BRDT: variants seen among roughly 807,000 people sequenced by gnomAD.
BRDT encodes bromodomain testis-specific protein.
A neutral mutation model predicts 113.9 loss-of-function variants in BRDT; 77 were observed. The ratio of observed to expected loss-of-function variants is 0.68; its 90% confidence interval spans 0.56 to 0.82. BRDT has a LOEUF of 0.82. Ranked by LOEUF, BRDT falls within the 40% of genes least tolerant of loss-of-function variation. BRDT has a pLI of 0.00. For synonymous variants in BRDT, 358 were observed against 366.5 expected (o/e 0.98, Z 0.26); for missense variants, 1,027 against 1,105.4 (o/e 0.93, Z 1.01).
chr1:91,988,387 T>G (rs932808703), intron 12 of BRDT, among the ~76,000 whole-genome samples: 1 of 152,022 alleles, frequency 6.6e-6, no homozygotes, highest in Admixed American at 6.6e-5. Flanking sequence ...GTTATCGATT[T>G]TATTTTTATT....
chr1:91,953,727 C>G (rs924026759), intron 1 of BRDT, among the ~76,000 whole-genome samples: 1 of 152,076 alleles, frequency 6.6e-6, no homozygotes, highest in Non-Finnish European at 1.5e-5. Context: ...GGGCAAGAGA[C>G]GTGGTTTTCA....
chr1:91,960,242 A>G (rs187303835), intron 1 of BRDT, among the ~76,000 whole-genome samples: 11 of 152,264 alleles, frequency 7.2e-5, no homozygotes, highest in Admixed American at 6.5e-4. Flanking sequence ...ACACTTGTAA[A>G]CCCATGTTCA....
chr1:91,968,409 C>T, intron 4 of BRDT, 149 bp downstream of exon 4: 4 of 1,206,548 alleles, frequency 3.3e-6, no homozygotes, highest in Middle Eastern at 2.0e-4. Flanking sequence ...AAACAATCTG[C>T]CAAACCTTGA....
chr1:92,012,744 C>T (rs1357909770), intron 18 of BRDT, among the ~76,000 whole-genome samples: 3 of 150,162 alleles, frequency 2.0e-5, no homozygotes, highest in Non-Finnish European at 4.4e-5. Context: ...AACCCCATCT[C>T]TACTAAAACT....
intron 16 of BRDT, among the ~76,000 whole-genome samples, chr1:92,003,251 A>T (rs1459009009): frequency 1.3e-5 from 2 of 152,220 alleles, no homozygotes; most frequent in Non-Finnish European, 2.9e-5. Flanking sequence ...CTATAAATAT[A>T]TCTAGTCATA....
At position 91,968,263 on chromosome 1, in the gene BRDT, A is replaced by G; in HGVS notation, c.445+3A>G. The G allele has an allele frequency of 6.2e-7, 1 of 1,613,900 alleles. No homozygotes were observed. The highest frequency in any genetic ancestry group is 8.5e-7 in the Non-Finnish European group (1 of 1,179,876). On this transcript the variant is annotated splice_donor_region_variant and intron_variant, in intron 4 of 18. Transcript: ENST00000399546. ...TGTTAAGGAAAGAATCAAGAAAGGTAAGGCAGGAGGTAAACACTTTATGGT... is the reference window on the plus strand; with the variant it reads ...TGTTAAGGAAAGAATCAAGAAAGGTGAGGCAGGAGGTAAACACTTTATGGT...
At chr1:91,983,716 TCTCA>T (rs1294493350) in intron 12 of BRDT, among the ~76,000 whole-genome samples, 19 of 151,826 alleles carry the variant, frequency 1.3e-4, no homozygotes, top group African/African-American at 4.1e-4. Flanking sequence ...TGAGACGGAT[TCTCA>T]CTCTGTCGCC....
At chr1:92,005,356 A>C in intron 18 of BRDT, 57 bp downstream of exon 18, 2 of 1,418,734 alleles carry the variant, frequency 1.4e-6, no homozygotes, top group Non-Finnish European at 1.9e-6. Flanking sequence ...TTAACAGAGC[A>C]CTGTCTTTTG....
At chr1:92,013,217 CAA>C (rs11396195) in intron 18 of BRDT, among the ~76,000 whole-genome samples, 2 of 134,000 alleles carry the variant, frequency 1.5e-5, no homozygotes, top group African/African-American at 5.8e-5. Flanking sequence ...CACAATGTTT[CAA>C]AAAAAAAAAA....
chr1:92,008,914 T>A (rs944946346), intron 18 of BRDT, among the ~76,000 whole-genome samples: 2 of 152,250 alleles, frequency 1.3e-5, no homozygotes, highest in African/African-American at 4.8e-5. Context: ...GAAATATGTG[T>A]ACATTGTGGA....
At chr1:92,011,014 T>G (rs1173007274) in intron 18 of BRDT, among the ~76,000 whole-genome samples, 1 of 152,158 alleles carries the variant, frequency 6.6e-6, no homozygotes, top group African/African-American at 2.4e-5. Flanking sequence ...AACTGGATAT[T>G]TTTGTAATCC....
At chr1:91,952,005 G>C (rs969492456) in intron 1 of BRDT, among the ~76,000 whole-genome samples, 1 of 152,218 alleles carries the variant, frequency 6.6e-6, no homozygotes, top group Non-Finnish European at 1.5e-5. Flanking sequence ...GCAATATAGT[G>C]AGACCCTATC....
chr1:92,008,682 C>T (rs1225647711), intron 18 of BRDT, among the ~76,000 whole-genome samples: 2 of 152,206 alleles, frequency 1.3e-5, no homozygotes, highest in African/African-American at 4.8e-5. Context: ...CCTCACAACC[C>T]TGGCAACCAC....
chr1:91,961,588 C>T (rs530761193), intron 1 of BRDT, among the ~76,000 whole-genome samples: 107 of 152,144 alleles, frequency 7.0e-4, no homozygotes, highest in African/African-American at 2.6e-3. Flanking sequence ...GAGATCGCGC[C>T]ATTGCACTCC....
rs1288251000 is a variant in BRDT at position 91,968,240 on chromosome 1, T to C, written c.425T>C (p.Val142Ala). 6.2e-7 allele frequency: 1 copy of C among 1,614,104 alleles called. No homozygotes were observed. The highest frequency in any genetic ancestry group is 8.5e-7 in the Non-Finnish European group (1 of 1,179,992). Residue 142 changes from valine to alanine, a missense_variant, in exon 4 of 19, where the codon GTT (valine) becomes GCT (alanine). Transcript: ENST00000399546. The stretch of plus-strand genomic sequence containing the variant: ...CCACAAGAAGAGCAAGTTGTGGGTG[T>C]TAAGGAAAGAATCAAGAAAGGTAAG... ...QMPQEEQVVGVKERIKKGTQQ... is the reference protein window; with the variant it reads ...QMPQEEQVVGAKERIKKGTQQ...
intron 12 of BRDT, among the ~76,000 whole-genome samples, chr1:91,987,079 C>T (rs1254797280): frequency 3.3e-5 from 5 of 151,928 alleles, no homozygotes; most frequent in Non-Finnish European, 7.4e-5. Context: ...ACCACCAAGC[C>T]TGGCTAATTT....
chr1:91,953,678 T>C (rs1180452579), intron 1 of BRDT, among the ~76,000 whole-genome samples: 2 of 152,124 alleles, frequency 1.3e-5, no homozygotes, highest in African/African-American at 2.4e-5. Flanking sequence ...AAAAAGATTC[T>C]TTTCAGAGTT....
chr1:91,974,037 A>C (rs1683878437), intron 4 of BRDT, among the ~76,000 whole-genome samples: 1 of 152,266 alleles, frequency 6.6e-6, no homozygotes, highest in African/African-American at 2.4e-5. Context: ...AAATGGGGAA[A>C]GGATTCCCTA....
chr1:91,956,777 C>G lies in BRDT; in HGVS notation c.-37-5941C>G, dbSNP rs183743463. On this transcript the variant is annotated intron_variant, in intron 1 of 18. Coordinates refer to ENST00000399546, the MANE Select transcript of BRDT (RefSeq NM_207189.4). ...ACATAGTGAGACTCTGGCTCCCCCC[C>G]TTTCCTGAAAAAATAATTAACCAGG... Among the ~76,000 whole-genome samples the G allele has an allele frequency of 1.3e-3, 193 of 152,078 alleles. 1 individual carries two copies. Among genetic ancestry groups the G allele is most frequent in the Non-Finnish European group, 2.1e-3 (144 of 68,006 alleles).
Sources: allele counts gnomAD v4.1 joint callset (sites outside exome capture counted in the v4.1 genomes callset), GRCh38; gene constraint gnomAD v4.1.1; transcripts MANE v1.5; gene names NCBI Gene and HGNC (gene_info 2026-07-23, HGNC 2026-07-21).